The following BRCA2 variants were observed in gnomAD, a reference collection of about 807,000 sequenced individuals.
BRCA2 encodes the protein BRCA2 DNA repair associated.
A neutral mutation model predicts 276.7 loss-of-function variants in BRCA2; 203 were observed. That is an observed-to-expected ratio of 0.73 (90% CI 0.65 to 0.82). The LOEUF (loss-of-function observed/expected upper bound fraction) is 0.82, where lower values mean the gene tolerates loss of function less well. BRCA2 is among the 40% of genes least tolerant of loss of function. The pLI, the probability that BRCA2 is intolerant of heterozygous loss-of-function variation, is 0.00. For missense variants in BRCA2, 3,920 were observed against 3,915.0 expected (o/e 1.00, Z -0.03); for synonymous variants, 1,289 against 1,338.4 (o/e 0.96, Z 0.81).
chr13:32,356,878 C>T (rs185383866), intron 15 of BRCA2, among the ~76,000 whole-genome samples: 3 of 152,322 alleles, frequency 2.0e-5, no homozygotes, highest in African/African-American at 7.2e-5. Flanking sequence ...TAAATGCTCT[C>T]AGCTAGGTGT....
rs80358486 is a variant in BRCA2, at chr13:32,336,452, G to T, written c.2097G>T (p.Gln699His). The change falls in exon 11 of 27, where the codon CAG becomes CAT. Residue 699 changes from glutamine to histidine, a missense_variant. Physicochemically the swap from Gln to His is conservative, Grantham distance 24. Around this residue, in one of 2 missense-constraint regions of BRCA2, gnomAD observed 3,263 missense variants for 3,156.9 expected, o/e 1.03. Coordinates refer to ENST00000380152, the MANE Select transcript of BRCA2 (RefSeq NM_000059.4). ...CAAAATGTAATAAGGAAAAACTACA[G>T]TTATTTATTACCCCAGAAGCTGATT... ...KEAKCNKEKL[Q>H]LFITPEADSL... The T allele has an allele frequency of 8.1e-6, 13 of 1,613,930 alleles. No individual in the cohort carries two copies. Among genetic ancestry groups the T allele is most frequent in the Non-Finnish European group, 9.3e-6 (11 of 1,179,944 alleles).
chr13:32,398,098 C>T lies in BRCA2; in HGVS notation c.9649-64C>T, dbSNP rs909411373. The stretch of plus-strand genomic sequence containing the variant: ...CTTAAATATTTTCAATGAAAAGTTA[C>T]TTTGATTTAGTTTTTTATGTTACTA... On this transcript the variant is annotated intron_variant, in intron 26 of 26. Transcript: ENST00000380152. The T allele has an allele frequency of 2.0e-6, 3 of 1,519,250 alleles. No individual in the cohort carries two copies. The African/African-American group carries it at 4.2e-5, about 21-fold the overall frequency. 94.1% of individuals were successfully genotyped at this position (1,519,250 alleles called of 1,614,324 possible). A position where few individuals can be genotyped will look rare whatever the true frequency, so the allele number is the denominator to read the frequency against.
At position 32,337,149 on chromosome 13, in the gene BRCA2, G is replaced by T. The variant is rs2137489980; in HGVS notation, c.2794G>T (p.Asp932Tyr). ...GAACTCTACCATGGTTTTATATGGA[G>T]ACACAGGTGATAAACAAGCAACCCA... ...FKNSTMVLYG[D>Y]TGDKQATQVS... Residue 932 changes from aspartate (D) to tyrosine (Y), a missense_variant, in exon 11 of 27, where the codon GAC becomes TAC. This residue lies in a region of BRCA2 where 3,263 missense variants were observed against 3,156.9 expected (regional missense o/e 1.03). Transcript: ENST00000380152. The T allele has an allele frequency of 6.2e-7, 1 of 1,613,860 alleles. No homozygotes were observed. The highest frequency in any genetic ancestry group is 8.5e-7 in the Non-Finnish European group (1 of 1,179,892).
intron 3 of BRCA2, among the ~76,000 whole-genome samples, 172 bp from the exon 4 acceptor site, chr13:32,324,904 C>T (rs765701535): frequency 5.9e-5 from 9 of 152,128 alleles, no homozygotes; most frequent in Non-Finnish European, 8.8e-5. Context: ...CCACTGTGCT[C>T]GGGGCATCCT....
intron 24 of BRCA2, among the ~76,000 whole-genome samples, chr13:32,380,554 T>TTTTTTTTTC (rs1555288607): frequency 6.8e-6 from 1 of 146,640 alleles, no homozygotes. Flanking sequence ...TTTTTTTTTT[T>TTTTTTTTTC]CCCCGAGATG....
At position 32,339,111 on chromosome 13, in the gene BRCA2, A is replaced by G. The variant is rs1593903364; in HGVS notation, c.4756A>G (p.Thr1586Ala). The change falls in exon 11 of 27, where the codon ACA (threonine) becomes GCA (alanine). Residue 1586 changes from threonine (T) to alanine (A), a missense_variant. By Grantham distance (58) the Thr-to-Ala change is moderately conservative. This residue lies in a region of BRCA2 where 3,263 missense variants were observed against 3,156.9 expected (regional missense o/e 1.03). Coordinates refer to ENST00000380152, the MANE Select transcript of BRCA2 (RefSeq NM_000059.4). ...ATTAGCATGTGAGACCATTGAGATC[A>G]CAGCTGCCCCAAAGTGTAAAGAAAT... Reference protein sequence around the residue: ...LELACETIEITAAPKCKEMQN... With the variant: ...LELACETIEIAAAPKCKEMQN... 2 of 1,614,026 alleles carry G rather than the reference A, an allele frequency of 1.2e-6. No individual in the cohort carries two copies. Among genetic ancestry groups the G allele is most frequent in the Non-Finnish European group, 1.7e-6 (2 of 1,179,936 alleles).
At chr13:32,346,982 C>T in intron 13 of BRCA2, 86 bp downstream of exon 13, 1 of 1,043,402 alleles carries the variant, frequency 9.6e-7, no homozygotes, top group South Asian at 1.5e-5. Flanking sequence ...AAAATAATGA[C>T]ACTAACGTTA....
Position 32,339,762 on chromosome 13 carries a change from A to G in BRCA2, c.5407A>G (p.Thr1803Ala), listed in dbSNP as rs769627725. 6.2e-7 allele frequency: 1 copy of G among 1,613,934 alleles called. No homozygotes were observed. The highest frequency in any genetic ancestry group is 1.1e-5 in the South Asian group (1 of 91,058). Residue 1803 changes from threonine to alanine, a missense_variant, in exon 11 of 27, where the codon ACT (threonine) becomes GCT (alanine). Thr to Ala is a moderately conservative substitution (Grantham distance 58). Coordinates refer to ENST00000380152, the MANE Select transcript of BRCA2 (RefSeq NM_000059.4). ...NVKDANAYPQ[T>A]VNEDICVEEL... ...AAAAGATGCAAATGCATACCCACAA[A>G]CTGTAAATGAAGATATTTGCGTTGA...
intron 9 of BRCA2, among the ~76,000 whole-genome samples, chr13:32,331,339 C>T (rs1566221694): frequency 1.3e-5 from 2 of 152,164 alleles, no homozygotes; most frequent in Admixed American, 6.5e-5. Context: ...AAGGATTGCT[C>T]CTCTTTTCTT....
intron 3 of BRCA2, among the ~76,000 whole-genome samples, chr13:32,324,161 A>G (rs974623604): frequency 2.0e-5 from 3 of 152,176 alleles, no homozygotes; most frequent in Non-Finnish European, 4.4e-5. Flanking sequence ...TAGTAGGGGG[A>G]AAAAGAACAG....
In BRCA2 at chr13:32,336,752, AG is replaced by A. The variant is rs886040423; in HGVS notation, c.2399del (p.Gly800ValfsTer10). ...ESYKMSDKLK[G>X]NNYESDVELT... ...CATACAAAATGTCAGACAAGCTCAA[AG>A]GTAACAATTATGAATCTGATGTTGA... On this transcript the variant is annotated frameshift_variant, in exon 11 of 27. Coordinates refer to ENST00000380152, the MANE Select transcript of BRCA2 (RefSeq NM_000059.4). LOFTEE classifies it high-confidence loss of function. The A allele has an allele frequency of 1.2e-6, 2 of 1,613,506 alleles. No homozygotes were observed. The highest frequency in any genetic ancestry group is 1.7e-6 in the Non-Finnish European group (2 of 1,179,790).
At chr13:32,387,471 G>A (rs1035795970) in intron 24 of BRCA2, among the ~76,000 whole-genome samples, 9 of 152,126 alleles carry the variant, frequency 5.9e-5, no homozygotes, top group East Asian at 1.9e-4. Flanking sequence ...TTGGTCAAGC[G>A]GTAACGGCAG....
chr13:32,359,370 A>G (rs1593922178), intron 16 of BRCA2, among the ~76,000 whole-genome samples: 1 of 152,192 alleles, frequency 6.6e-6, no homozygotes, highest in East Asian at 1.9e-4. Context: ...AAACAGAAAT[A>G]TTTGAATATC....
chr13:32,371,417 T>C (rs2072833627), intron 20 of BRCA2, among the ~76,000 whole-genome samples: 1 of 152,162 alleles, frequency 6.6e-6, no homozygotes. Context: ...GTGGTGTCAA[T>C]TTTAATATTA....
chr13:32,385,860 C>T (rs2072956485), intron 24 of BRCA2: 1 of 160,942 alleles, frequency 6.2e-6, no homozygotes. Context: ...AATCTGATGT[C>T]AGTGCAATTA....
At position 32,340,680 on chromosome 13, in the gene BRCA2, G is replaced by A. The variant is rs79456940; in HGVS notation, c.6325G>A (p.Val2109Ile). 1.4e-4 allele frequency: 226 copies of A among 1,608,786 alleles called. No individual in the cohort carries two copies. The East Asian group carries it at 4.9e-3, about 35-fold the overall frequency. Residue 2109 changes from valine (V) to isoleucine (I), a missense_variant, in exon 11 of 27, where the codon GTT (valine) becomes ATT (isoleucine). Coordinates refer to ENST00000380152, the MANE Select transcript of BRCA2 (RefSeq NM_000059.4). ...RQNVSKILPR[V>I]DKRNPEHCVN... Reference sequence around the variant, plus strand: ...AAATGTATCAAAAATACTTCCTCGTGTTGATAAGAGAAACCCAGAGCACTG... The same window carrying A: ...AAATGTATCAAAAATACTTCCTCGTATTGATAAGAGAAACCCAGAGCACTG...
chr13:32,361,735 A>G (rs1021073815), intron 16 of BRCA2, among the ~76,000 whole-genome samples: 16 of 152,118 alleles, frequency 1.1e-4, no homozygotes, highest in African/African-American at 3.9e-4. Context: ...AGATGCTGTG[A>G]GTGGATAGAT....
chr13:32,362,790 A>C (rs987820096), intron 17 of BRCA2, 97 bp downstream of exon 17: 1 of 1,375,528 alleles, frequency 7.3e-7, no homozygotes, highest in Non-Finnish European at 1.0e-6. Context: ...TGCACAAGCC[A>C]GTTGTCAGTG....
rs11571726 is a variant in BRCA2, at chr13:32,364,848, C to T, written c.8331+1315C>T. 9.7e-3 allele frequency among the ~76,000 whole-genome samples: 1,470 copies of T among 152,240 alleles called. 29 individuals are homozygous for T. Among genetic ancestry groups the T allele is most frequent in the African/African-American group, 0.034 (1,412 of 41,540 alleles). ...TTTTCTATGTGTGCCATACAGCTCT[C>T]ATTCTGTAAATTATTCTTACCTCTT... On this transcript the variant is annotated intron_variant, in intron 18 of 26. Coordinates refer to ENST00000380152, the MANE Select transcript of BRCA2 (RefSeq NM_000059.4).
Sources: allele counts gnomAD v4.1 joint callset (sites outside exome capture counted in the v4.1 genomes callset), GRCh38; gene constraint gnomAD v4.1.1; regional missense constraint gnomAD v4.1.1; transcripts MANE v1.5; gene names NCBI Gene and HGNC (gene_info 2026-07-23, HGNC 2026-07-21).